RANBP2: variants seen among roughly 807,000 people sequenced by gnomAD.
The protein encoded by RANBP2 is RAN binding protein 2.
In RANBP2, 57 loss-of-function variants were observed where a neutral mutation model predicts 303.6. The observed-to-expected ratio is 0.19, with a 90% confidence interval of 0.15 to 0.23. RANBP2 has a LOEUF of 0.23. RANBP2 is among the 10% of genes least tolerant of loss of function. The pLI, the probability that RANBP2 is intolerant of heterozygous loss-of-function variation, is 1.00. For missense variants in RANBP2, 3,138 were observed against 3,780.8 expected (o/e 0.83, Z 4.46); for synonymous variants, 1,167 against 1,301.5 (o/e 0.90, Z 2.23).
chr2:108,755,873 G>A (rs1183036632), intron 17 of RANBP2, among the ~76,000 whole-genome samples: 37 of 151,926 alleles, frequency 2.4e-4, no homozygotes, highest in Non-Finnish European at 4.3e-4. Context: ...ACAGGCACCC[G>A]CCACCAGGCC....
At chr2:108,917,139 C>T in the RANBP2 span, among the ~76,000 whole-genome samples, 10 of 152,254 alleles carry the variant, frequency 6.6e-5, no homozygotes, top group South Asian at 1.0e-3. Context: ...GCTCCGTGGC[C>T]GACAGGCGAG....
intron 23 of RANBP2, among the ~76,000 whole-genome samples, chr2:108,775,249 T>C (rs755419804): frequency 6.6e-6 from 1 of 152,242 alleles, no homozygotes; most frequent in Admixed American, 6.5e-5. Context: ...CATTCTCTTA[T>C]TGATTTCTAG....
intron 20 of RANBP2, among the ~76,000 whole-genome samples, chr2:108,769,622 T>C (rs1429703031): frequency 6.6e-6 from 1 of 151,918 alleles, no homozygotes; most frequent in African/African-American, 2.4e-5. Context: ...TGTTTATGTT[T>C]AGCCACTAAC....
the RANBP2 span, among the ~76,000 whole-genome samples, chr2:108,951,714 T>C: frequency 1.3e-5 from 2 of 152,124 alleles, no homozygotes; most frequent in African/African-American, 4.8e-5. Flanking sequence ...TAGATCATTC[T>C]AAAGGTTCTT....
the RANBP2 span, among the ~76,000 whole-genome samples, chr2:108,984,660 C>G: frequency 6.6e-6 from 1 of 152,036 alleles, no homozygotes; most frequent in East Asian, 1.9e-4. Flanking sequence ...CCCTGGGCAC[C>G]TTCTTTCTAC....
the RANBP2 span, among the ~76,000 whole-genome samples, chr2:109,599,509 GA>G: frequency 6.6e-6 from 1 of 150,448 alleles, no homozygotes; most frequent in East Asian, 2.0e-4. Context: ...GAGTGAGCAA[GA>G]TAAGGCAGCA....
chr2:108,731,530 T>C (rs1217936133), intron 4 of RANBP2, 56 bp downstream of exon 4: 7 of 1,608,438 alleles, frequency 4.4e-6, no homozygotes, highest in Non-Finnish European at 5.9e-6. Context: ...TTCTAATATT[T>C]GGAATTTAAA....
At chr2:109,534,423 G>A in the RANBP2 span, among the ~76,000 whole-genome samples, 8 of 152,146 alleles carry the variant, frequency 5.3e-5, no homozygotes, top group African/African-American at 4.8e-5. Flanking sequence ...CTCTTTATAA[G>A]CAACTAAGAG....
the RANBP2 span, chr2:109,501,644 C>G: frequency 1.3e-6 from 1 of 775,298 alleles, no homozygotes. Flanking sequence ...CAGGCCTCTT[C>G]CCGGGCAGCT....
At chr2:108,786,800 G>C (rs1558952353), downstream of RANBP2, 8 of 1,572,668 alleles carry the variant, frequency 5.1e-6, no homozygotes, top group South Asian at 8.1e-5. Flanking sequence ...TTCCCGGGGA[G>C]ACTGGTACGG....
the RANBP2 span, among the ~76,000 whole-genome samples, chr2:109,179,599 G>A: frequency 1.3e-5 from 2 of 152,202 alleles, no homozygotes; most frequent in Admixed American, 6.5e-5. Flanking sequence ...TATCCTTCCT[G>A]CTGTGTTGTA....
At chr2:108,849,052 A>G in the RANBP2 span, among the ~76,000 whole-genome samples, 1 of 152,214 alleles carries the variant, frequency 6.6e-6, no homozygotes. Flanking sequence ...GACTTCAATC[A>G]GATTTCTGCA....
chr2:109,732,992 C>T, the RANBP2 span: 7 of 588,634 alleles, frequency 1.2e-5, no homozygotes, highest in Admixed American at 1.1e-4. Flanking sequence ...TTGGGGTCAT[C>T]GTCCTTGAGA....
chr2:109,228,977 G>C, the RANBP2 span, among the ~76,000 whole-genome samples: 405 of 152,272 alleles, frequency 2.7e-3, 2 homozygotes, highest in African/African-American at 9.3e-3. Context: ...TCTTTCTGGT[G>C]ACCAGCCTTC....
At chr2:108,791,757 A>G in the RANBP2 span, 1 of 1,601,750 alleles carries the variant, frequency 6.2e-7, no homozygotes. Context: ...TTATAGAGTT[A>G]GTACCTCGAA....
the RANBP2 span, among the ~76,000 whole-genome samples, chr2:109,301,945 C>T: frequency 5.3e-5 from 8 of 152,194 alleles, no homozygotes; most frequent in East Asian, 3.9e-4. Flanking sequence ...CCCTCCTTCC[C>T]GCAGCCTCTC....
chr2:109,140,712 G>C, the RANBP2 span, among the ~76,000 whole-genome samples: 1 of 152,162 alleles, frequency 6.6e-6, no homozygotes, highest in Non-Finnish European at 1.5e-5. Context: ...ATGGGAAATA[G>C]AATTTTTTCC....
chr2:109,548,244 C>T, the RANBP2 span, among the ~76,000 whole-genome samples: 3 of 151,544 alleles, frequency 2.0e-5, no homozygotes, highest in African/African-American at 7.3e-5. Flanking sequence ...TGCCCTCTAA[C>T]AACACAACCA....
chr2:109,269,643 T>A, the RANBP2 span, among the ~76,000 whole-genome samples: 6,158 of 152,110 alleles, frequency 0.04, 414 homozygotes, highest in African/African-American at 0.14. Context: ...TAGCCGGACA[T>A]GGTGGCGTGT....
Sources: allele counts gnomAD v4.1 joint callset (sites outside exome capture counted in the v4.1 genomes callset), GRCh38; gene constraint gnomAD v4.1.1; transcripts MANE v1.5; gene names NCBI Gene and HGNC (gene_info 2026-07-23, HGNC 2026-07-21).